The following NBAS variants were observed in gnomAD, a reference collection of about 807,000 sequenced individuals.
The protein encoded by NBAS is NAG/BC035112 fusion.
A neutral mutation model predicts 302.5 loss-of-function variants in NBAS; 219 were observed. The observed-to-expected ratio is 0.72, with a 90% CI of 0.65 to 0.81. The LOEUF (loss-of-function observed/expected upper bound fraction) is 0.81, where lower values mean the gene tolerates loss of function less well. NBAS is among the 30% of genes least tolerant of loss of function. The pLI is 0.00. For synonymous variants in NBAS, 1,118 were observed against 1,021.6 expected, an observed-to-expected ratio of 1.09 and a Z score of -1.80; for missense variants, 2,932 against 2,841.6, an observed-to-expected ratio of 1.03 and a Z score of -0.72.
the NBAS span, among the ~76,000 whole-genome samples, chr2:15,073,024 G>A: frequency 6.6e-6 from 1 of 152,262 alleles, no homozygotes; most frequent in African/African-American, 2.4e-5. Flanking sequence ...AGCTACTTGG[G>A]AGGCTGGAGA....
At chr2:15,017,243 A>T in the NBAS span, among the ~76,000 whole-genome samples, 2 of 152,138 alleles carry the variant, frequency 1.3e-5, no homozygotes, top group Non-Finnish European at 2.9e-5. Flanking sequence ...ATACGTCAGG[A>T]CATGGATCTG....
At chr2:15,519,832 T>C (rs1662578420) in intron 9 of NBAS, among the ~76,000 whole-genome samples, 1 of 152,188 alleles carries the variant, frequency 6.6e-6, no homozygotes, top group Admixed American at 6.6e-5. Context: ...TTACTTTATG[T>C]TTGAATCTGT....
At chr2:15,055,198 G>A in the NBAS span, among the ~76,000 whole-genome samples, 2 of 152,194 alleles carry the variant, frequency 1.3e-5, no homozygotes, top group African/African-American at 4.8e-5. Context: ...TTAGGGATGG[G>A]TAAAGGAAAA....
the NBAS span, among the ~76,000 whole-genome samples, chr2:14,859,924 G>A: frequency 2.6e-5 from 4 of 151,576 alleles, no homozygotes; most frequent in African/African-American, 7.3e-5. Flanking sequence ...ATATATGAAC[G>A]GTCCCCATCT....
chr2:15,004,443 T>C, the NBAS span, among the ~76,000 whole-genome samples: 1 of 152,232 alleles, frequency 6.6e-6, no homozygotes, highest in Non-Finnish European at 1.5e-5. Context: ...GAATCCTTGA[T>C]ACTTTCCCCC....
chr2:15,409,582 A>T (rs1015415629), intron 25 of NBAS, among the ~76,000 whole-genome samples: 6 of 152,132 alleles, frequency 3.9e-5, no homozygotes, highest in Non-Finnish European at 7.3e-5. Context: ...TGCTTTTATT[A>T]TTACAGTTTC....
intron 35 of NBAS, among the ~76,000 whole-genome samples, chr2:15,335,953 A>G (rs965910458): frequency 1.3e-5 from 2 of 152,118 alleles, no homozygotes; most frequent in Non-Finnish European, 1.5e-5. Flanking sequence ...AAAATTACGC[A>G]GGCATTGTGG....
the NBAS span, among the ~76,000 whole-genome samples, chr2:15,072,891 G>A: frequency 3.3e-5 from 5 of 152,172 alleles, no homozygotes; most frequent in Non-Finnish European, 7.3e-5. Context: ...CACTTTGAGA[G>A]GCTGAGGCAA....
intron 35 of NBAS, among the ~76,000 whole-genome samples, chr2:15,347,246 GT>G (rs1673135708): frequency 6.6e-6 from 1 of 152,192 alleles, no homozygotes; most frequent in African/African-American, 2.4e-5. Flanking sequence ...AAAACAAAAA[GT>G]TTGGCAGTTT....
At chr2:15,006,068 G>A in the NBAS span, among the ~76,000 whole-genome samples, 3 of 152,076 alleles carry the variant, frequency 2.0e-5, no homozygotes, top group Non-Finnish European at 4.4e-5. Context: ...TAATGAACTT[G>A]GTAAAATACT....
chr2:15,363,479 G>A (rs1358411466), intron 32 of NBAS, among the ~76,000 whole-genome samples: 1 of 152,060 alleles, frequency 6.6e-6, no homozygotes. Flanking sequence ...ATGAAATGAA[G>A]GACAATAAAG....
intron 6 of NBAS, among the ~76,000 whole-genome samples, chr2:15,540,357 C>T (rs1052681076): frequency 6.6e-6 from 1 of 152,002 alleles, no homozygotes; most frequent in Non-Finnish European, 1.5e-5. Flanking sequence ...AACGTATGGC[C>T]TTCTTTTGAT....
chr2:15,445,219 G>A lies in NBAS; in HGVS notation c.2339+15982C>T, dbSNP rs530566596. On this transcript the variant is annotated intron_variant, in intron 21 of 51. Coordinates refer to ENST00000281513, the MANE Select transcript of NBAS (RefSeq NM_015909.4). ...ACACATGCACATGTATGTTTATTGC[G>A]GCACTATTCACAATAGCAAAGACTT... Among the ~76,000 whole-genome samples the A allele has an allele frequency of 7.4e-4, 109 of 148,090 alleles. 1 individual carries two copies. Among genetic ancestry groups the A allele is most frequent in the African/African-American group, 2.2e-3 (89 of 40,064 alleles).
chr2:15,522,305 A>C (rs1384701074), intron 9 of NBAS, among the ~76,000 whole-genome samples: 1 of 152,196 alleles, frequency 6.6e-6, no homozygotes, highest in East Asian at 1.9e-4. Context: ...AAAGAAGAAG[A>C]ATCAATAAGG....
At chr2:15,305,449 GTTTTTTT>G (rs35136896) in intron 40 of NBAS, among the ~76,000 whole-genome samples, 2 of 123,804 alleles carry the variant, frequency 1.6e-5, no homozygotes, top group Admixed American at 8.4e-5. Context: ...GTCTCGAGCA[GTTTTTTT>G]TTTTTTTTTT....
At chr2:14,797,456 C>T in the NBAS span, among the ~76,000 whole-genome samples, 1 of 152,140 alleles carries the variant, frequency 6.6e-6, no homozygotes, top group African/African-American at 2.4e-5. Context: ...TGGAGCAAGG[C>T]GGCGGGACTG....
chr2:15,176,237 G>A (rs1664532602), intron 51 of NBAS, among the ~76,000 whole-genome samples: 1 of 152,200 alleles, frequency 6.6e-6, no homozygotes, highest in Non-Finnish European at 1.5e-5. Flanking sequence ...AATGGTGTTG[G>A]AAGAGCAATG....
chr2:15,478,830 G>A (rs6710729), intron 12 of NBAS, among the ~76,000 whole-genome samples: 17,947 of 152,086 alleles, frequency 0.12, 1,723 homozygotes, highest in African/African-American at 0.26. Flanking sequence ...GCAATATGGT[G>A]TCATGCTCTT....
At chr2:15,341,503 A>C (rs1672850692) in intron 35 of NBAS, among the ~76,000 whole-genome samples, 1 of 152,092 alleles carries the variant, frequency 6.6e-6, no homozygotes, top group Non-Finnish European at 1.5e-5. Flanking sequence ...ATTTTTTGGA[A>C]AATGTCTTTT....
Sources: gnomAD v4.1 joint callset for allele counts (sites outside exome capture counted in the v4.1 genomes callset) on GRCh38, gnomAD v4.1.1 for gene constraint, MANE v1.5 for transcripts, NCBI Gene and HGNC (gene_info 2026-07-23, HGNC 2026-07-21) for gene names.